Variants in CHM observed in about 807,000 individuals in gnomAD.
CHM encodes the protein CHM Rab escort protein.
In CHM, 10 loss-of-function variants were observed where a neutral mutation model predicts 49.0. The ratio of observed to expected loss-of-function variants is 0.20; its 90% CI spans 0.13 to 0.35. The LOEUF (loss-of-function observed/expected upper bound fraction) is 0.35. Ranked by LOEUF, CHM falls within the 10% of genes least tolerant of loss-of-function variation. CHM has a pLI of 1.00. For missense variants in CHM, 455 were observed against 478.4 expected (o/e 0.95, Z 0.46); for synonymous variants, 184 against 167.5 (o/e 1.10, Z -0.76).
At chrX:85,929,544 T>C (rs762369028) in intron 8 of CHM, among the ~76,000 whole-genome samples, 2 of 112,332 alleles carry the variant, frequency 1.8e-5, no homozygotes, top group Admixed American at 9.5e-5. Flanking sequence ...AGTTTCTGTT[T>C]TCAGCAGTGT....
At chrX:85,997,184 C>T in intron 2 of CHM, among the ~76,000 whole-genome samples, 1 of 111,711 alleles carries the variant, frequency 9.0e-6, no homozygotes, top group Middle Eastern at 4.6e-3. Context: ...ATTGCGGCCA[C>T]TCCAATTCAC....
At chrX:85,908,167 T>C (rs1926719244) in intron 9 of CHM, among the ~76,000 whole-genome samples, 1 of 112,366 alleles carries the variant, frequency 8.9e-6, no homozygotes, top group Admixed American at 9.5e-5. Flanking sequence ...ACCCTAATTA[T>C]ACTTAGAACA....
intron 2 of CHM, among the ~76,000 whole-genome samples, chrX:86,009,763 G>C (rs1385803840): frequency 9.0e-6 from 1 of 111,186 alleles, no homozygotes; most frequent in Non-Finnish European, 1.9e-5. Context: ...CTTTCATAGA[G>C]GTAAGTGGTT....
rs1398285252 is a variant in CHM at position 86,026,097 on chromosome X, A to ATTTTTT, written c.116+1393_116+1394insAAAAAA. ...AGTACCTGGGCTTTCAAGGTAGCAG[A>ATTTTTT]TTTTCTTTTTTTTTTTTTTTTTTTT... On this transcript the variant is annotated intron_variant, in intron 2 of 14. Transcript: ENST00000357749. 9.8e-5 allele frequency among the ~76,000 whole-genome samples: 3 copies of ATTTTTT among 30,489 alleles called. No homozygotes were observed. The South Asian group carries it at 7.0e-3, about 71-fold the overall frequency. 26.5% of individuals were successfully genotyped at this position (30,489 alleles called of 115,157 possible). A position where few individuals can be genotyped will look rare whatever the true frequency, so the allele number is the denominator to read the frequency against.
intron 14 of CHM, among the ~76,000 whole-genome samples, chrX:85,869,761 T>C (rs1397962247): frequency 1.8e-5 from 2 of 112,099 alleles, no homozygotes; most frequent in Non-Finnish European, 3.8e-5. Context: ...CACAGAATAG[T>C]TGATTGGCAA....
At chrX:85,931,005 T>A (rs1401511533) in intron 8 of CHM, among the ~76,000 whole-genome samples, 1 of 111,701 alleles carries the variant, frequency 9.0e-6, no homozygotes, top group Non-Finnish European at 1.9e-5. Context: ...TTTTTAGTTT[T>A]CAAGTATTCT....
intron 4 of CHM, among the ~76,000 whole-genome samples, chrX:85,973,300 CAAAA>C (rs58103002): frequency 0.02 from 328 of 16,036 alleles, no homozygotes; most frequent in East Asian, 0.082. Context: ...TCTGTCTCGA[CAAAA>C]AAAAAAAAAA....
intron 8 of CHM, among the ~76,000 whole-genome samples, chrX:85,933,076 G>T (rs755351043): frequency 1.8e-5 from 2 of 111,088 alleles, no homozygotes; most frequent in African/African-American, 6.5e-5. Flanking sequence ...CAGGCACAGT[G>T]GTGTGCTTGT....
At chrX:85,977,336 T>C (rs1199200197) in intron 4 of CHM, among the ~76,000 whole-genome samples, 1 of 112,116 alleles carries the variant, frequency 8.9e-6, no homozygotes, top group Non-Finnish European at 1.9e-5. Context: ...TATAACAGAG[T>C]TCTATTTCGT....
At chrX:85,986,168 C>A (rs1425413772) in intron 2 of CHM, among the ~76,000 whole-genome samples, 1 of 111,277 alleles carries the variant, frequency 9.0e-6, no homozygotes, top group African/African-American at 3.3e-5. Flanking sequence ...AGGTTGGGCC[C>A]AGAGCACAGA....
At chrX:85,956,036 A>G (rs1358732433) in intron 8 of CHM, 117 bp downstream of exon 8, 47 of 558,802 alleles carry the variant, frequency 8.4e-5, no homozygotes, top group Non-Finnish European at 1.3e-4. Context: ...TAAATAGAAT[A>G]AAGTATATAT....
intron 8 of CHM, among the ~76,000 whole-genome samples, chrX:85,954,190 T>C (rs760379101): frequency 1.8e-5 from 2 of 112,205 alleles, no homozygotes; most frequent in African/African-American, 6.5e-5. Flanking sequence ...ACATCACTGA[T>C]CATCAGAGAA....
chrX:86,015,268 G>C (rs1933245677), intron 2 of CHM, among the ~76,000 whole-genome samples: 1 of 111,066 alleles, frequency 9.0e-6, no homozygotes, highest in Admixed American at 9.6e-5. Flanking sequence ...TTTATCAGGG[G>C]TTTCCGCTTT....
chrX:86,009,883 C>G lies in CHM; in HGVS notation c.116+17608G>C, dbSNP rs776290709. Among the ~76,000 whole-genome samples, 47 of 110,257 alleles carry G rather than the reference C, an allele frequency of 4.3e-4. No homozygotes were observed. The Middle Eastern group carries it at 0.014, about 33-fold the overall frequency. On this transcript the variant is annotated intron_variant, in intron 2 of 14. Transcript: ENST00000357749. ...ACTAAATGCAAGGTAGTATCCTGGA[C>G]CAGATCCTGGAACAGAATAACATTT...
At chrX:86,023,494 G>C (rs1465499690) in intron 2 of CHM, among the ~76,000 whole-genome samples, 1 of 111,276 alleles carries the variant, frequency 9.0e-6, no homozygotes, top group African/African-American at 3.3e-5. Context: ...CCCTCTCACT[G>C]AGTTAGTTGT....
intron 12 of CHM, among the ~76,000 whole-genome samples, chrX:85,883,641 C>A (rs1274379795): frequency 2.7e-5 from 3 of 110,769 alleles, no homozygotes; most frequent in Non-Finnish European, 5.7e-5. Flanking sequence ...TGAAATGTCA[C>A]ATTTTCAAAA....
At chrX:85,920,220 C>T (rs976166451) in intron 8 of CHM, among the ~76,000 whole-genome samples, 14 of 109,774 alleles carry the variant, frequency 1.3e-4, no homozygotes, top group African/African-American at 4.3e-4. Flanking sequence ...TTCAGCCTCC[C>T]GAGTAGCTGG....
chrX:86,021,525 T>A (rs887386965), intron 2 of CHM, among the ~76,000 whole-genome samples: 2 of 110,240 alleles, frequency 1.8e-5, no homozygotes, highest in African/African-American at 6.6e-5. Flanking sequence ...CACTCTGGCT[T>A]AAAAGCTCAC....
At chrX:86,027,916 G>A (rs1049271325) in intron 1 of CHM, among the ~76,000 whole-genome samples, 40 of 110,414 alleles carry the variant, frequency 3.6e-4, no homozygotes, top group African/African-American at 1.1e-3. Context: ...GGCATGCGCC[G>A]CACACCCAGC....
Sources: allele counts gnomAD v4.1 joint callset (sites outside exome capture counted in the v4.1 genomes callset), GRCh38; gene constraint gnomAD v4.1.1; transcripts MANE v1.5; gene names NCBI Gene and HGNC (gene_info 2026-07-23, HGNC 2026-07-21).